TRHDE: variants seen among roughly 807,000 people sequenced by gnomAD.
TRHDE encodes the protein thyrotropin-releasing hormone-degrading ectoenzyme.
TRHDE carries 72 observed loss-of-function variants against 125.7 expected under a neutral mutation model. That is an observed-to-expected ratio of 0.57 (90% CI 0.47 to 0.70). The LOEUF is 0.70. Among genes scored for constraint, TRHDE ranks in the 30% least tolerant of loss-of-function variants. The probability of loss-of-function intolerance (pLI) is 0.00; values close to 1 mark genes in which losing one functional copy is unlikely to be tolerated. For synonymous variants in TRHDE, 509 were observed against 509.1 expected, an observed-to-expected ratio of 1.00 and a Z score of 0.00; for missense variants, 1,110 against 1,327.1, an observed-to-expected ratio of 0.84 and a Z score of 2.54.
At chr12:72,301,920 A>G (rs1868266639) in intron 2 of TRHDE, among the ~76,000 whole-genome samples, 1 of 152,182 alleles carries the variant, frequency 6.6e-6, no homozygotes, top group Admixed American at 6.5e-5. Context: ...TTATGAGGTG[A>G]AGACAGGAAT....
intron 5 of TRHDE, among the ~76,000 whole-genome samples, chr12:72,493,354 A>G (rs922257313): frequency 3.9e-5 from 6 of 152,016 alleles, no homozygotes; most frequent in African/African-American, 1.4e-4. Context: ...TATTTAATGT[A>G]TGCATTTTGG....
At chr12:72,488,303 A>G (rs1338178631) in intron 5 of TRHDE, among the ~76,000 whole-genome samples, 1 of 152,090 alleles carries the variant, frequency 6.6e-6, no homozygotes, top group Non-Finnish European at 1.5e-5. Context: ...ACAGGCTGAG[A>G]GTGAAAGGGT....
At chr12:72,157,281 G>T (rs1456434802) in intron 2 of TRHDE, among the ~76,000 whole-genome samples, 2 of 152,154 alleles carry the variant, frequency 1.3e-5, no homozygotes, top group Non-Finnish European at 2.9e-5. Flanking sequence ...TCCTTGAAGG[G>T]CATGGTGAGG....
intron 2 of TRHDE, among the ~76,000 whole-genome samples, chr12:72,194,763 T>G (rs1014226699): frequency 6.6e-6 from 1 of 152,158 alleles, no homozygotes; most frequent in East Asian, 1.9e-4. Flanking sequence ...CCACGTTTTC[T>G]TTATACAGTC....
chr12:72,556,892 A>G (rs990952802), intron 7 of TRHDE, among the ~76,000 whole-genome samples: 12 of 152,212 alleles, frequency 7.9e-5, no homozygotes, highest in Admixed American at 6.5e-5. Flanking sequence ...ACTATAGGAC[A>G]TCCTACTTCC....
chr12:72,111,919 C>T (rs1262812834), intron 2 of TRHDE, among the ~76,000 whole-genome samples: 1 of 152,022 alleles, frequency 6.6e-6, no homozygotes, highest in Non-Finnish European at 1.5e-5. Context: ...AGCAATCCCA[C>T]TGGGTAGCAC....
intron 12 of TRHDE, among the ~76,000 whole-genome samples, chr12:72,582,891 ATTAT>A (rs1450970936): frequency 1.2e-4 from 19 of 152,286 alleles, no homozygotes; most frequent in African/African-American, 4.1e-4. Flanking sequence ...TCGTTTCAAA[ATTAT>A]TTATTTAATC....
chr12:72,238,874 G>A (rs1011807321), intron 2 of TRHDE, among the ~76,000 whole-genome samples: 6 of 152,108 alleles, frequency 3.9e-5, no homozygotes, highest in African/African-American at 1.4e-4. Flanking sequence ...GTCTTTACAG[G>A]AGAATGATTT....
intron 2 of TRHDE, among the ~76,000 whole-genome samples, chr12:72,193,195 T>C (rs1877373624): frequency 6.6e-6 from 1 of 151,980 alleles, no homozygotes; most frequent in Admixed American, 6.6e-5. Flanking sequence ...AGCTGTGTAG[T>C]CACCCTAAAG....
At chr12:72,238,594 C>G (rs186595547) in intron 2 of TRHDE, among the ~76,000 whole-genome samples, 1 of 151,136 alleles carries the variant, frequency 6.6e-6, no homozygotes, top group Non-Finnish European at 1.5e-5. Flanking sequence ...CTCCCTGTGT[C>G]CATGTGTTCT....
chr12:72,258,589 T>G (rs576114363), intron 2 of TRHDE, among the ~76,000 whole-genome samples: 1 of 152,284 alleles, frequency 6.6e-6, no homozygotes, highest in African/African-American at 2.4e-5. Context: ...ATTTAATAAA[T>G]TTGCATGAAC....
chr12:72,189,394 T>G (rs1877293571), intron 2 of TRHDE, among the ~76,000 whole-genome samples: 1 of 152,212 alleles, frequency 6.6e-6, no homozygotes, highest in Non-Finnish European at 1.5e-5. Flanking sequence ...TGTCATATCT[T>G]GAGTAATACC....
chr12:72,582,205 C>G, intron 12 of TRHDE: 2 of 966,440 alleles, frequency 2.1e-6, no homozygotes, highest in Non-Finnish European at 2.5e-6. Context: ...AAATAATACG[C>G]TTTTATTTAC....
At position 72,546,650 on chromosome 12, in the gene TRHDE, A is replaced by G. The variant is rs1241865086; in HGVS notation, c.1788+4294A>G. Reference sequence around the variant, plus strand: ...CTTCTGGTACATAATTCTGTAACATACTAAAACCCTTAGTAATATTTCAAG... The same window carrying G: ...CTTCTGGTACATAATTCTGTAACATGCTAAAACCCTTAGTAATATTTCAAG... On this transcript the variant is annotated intron_variant, in intron 7 of 18. Coordinates refer to ENST00000261180, the MANE Select transcript of TRHDE (RefSeq NM_013381.3). Among the ~76,000 whole-genome samples the G allele has an allele frequency of 2.0e-5, 3 of 151,610 alleles. No homozygotes were observed. The South Asian group carries it at 6.2e-4, about 31-fold the overall frequency.
At chr12:72,292,519 T>C (rs1222667535) in intron 2 of TRHDE, among the ~76,000 whole-genome samples, 1 of 152,202 alleles carries the variant, frequency 6.6e-6, no homozygotes, top group African/African-American at 2.4e-5. Context: ...TGCCTGGAAA[T>C]CTCCATAGCT....
At chr12:72,102,546 G>A (rs1875092836) in intron 1 of TRHDE, among the ~76,000 whole-genome samples, 1 of 152,176 alleles carries the variant, frequency 6.6e-6, no homozygotes, top group South Asian at 2.1e-4. Context: ...ATGGCATTAA[G>A]TTCCAATCTT....
intron 2 of TRHDE, among the ~76,000 whole-genome samples, chr12:72,134,575 TA>T (rs894170517): frequency 2.6e-5 from 4 of 152,146 alleles, no homozygotes; most frequent in African/African-American, 7.2e-5. Flanking sequence ...TTGTATAGTA[TA>T]TTTTTTTTTC....
At chr12:72,239,332 A>G (rs1477355026) in intron 2 of TRHDE, among the ~76,000 whole-genome samples, 7 of 151,572 alleles carry the variant, frequency 4.6e-5, no homozygotes, top group African/African-American at 1.7e-4. Flanking sequence ...CCCATTCTGT[A>G]GGTTGCCTGT....
intron 2 of TRHDE, among the ~76,000 whole-genome samples, chr12:72,159,858 C>G (rs1876597432): frequency 6.6e-6 from 1 of 151,730 alleles, no homozygotes; most frequent in Non-Finnish European, 1.5e-5. Flanking sequence ...TTTCTTTTTT[C>G]TAATTTCTTT....
Sources: gnomAD v4.1 joint callset for allele counts (sites outside exome capture counted in the v4.1 genomes callset) on GRCh38, gnomAD v4.1.1 for gene constraint, MANE v1.5 for transcripts, NCBI Gene and HGNC (gene_info 2026-07-23, HGNC 2026-07-21) for gene names.